Variants in PRDM5 observed in about 807,000 individuals in gnomAD.
PRDM5 encodes the protein PR/SET domain 5, also known as PR domain zinc finger protein 5.
Under a neutral mutation model 81.2 loss-of-function variants are expected in PRDM5, and 56 were observed. The ratio of observed to expected loss-of-function variants is 0.69; its 90% CI spans 0.56 to 0.86. The LOEUF is 0.86. Ranked by LOEUF, PRDM5 falls within the 40% of genes least tolerant of loss-of-function variation. The pLI is 0.00. For synonymous variants in PRDM5, 267 were observed against 256.4 expected, an observed-to-expected ratio of 1.04 and a Z score of -0.39; for missense variants, 697 against 770.1, an observed-to-expected ratio of 0.91 and a Z score of 1.12.
At chr4:120,839,204 G>A in intron 3 of PRDM5, 1 of 702,112 alleles carries the variant, frequency 1.4e-6, no homozygotes, top group Non-Finnish European at 2.6e-6. Context: ...GGCAAGCAAG[G>A]AGCAGGTCTC....
chr4:120,830,698 G>C (rs1756610475), intron 3 of PRDM5, among the ~76,000 whole-genome samples: 1 of 152,082 alleles, frequency 6.6e-6, no homozygotes, highest in African/African-American at 2.4e-5. Context: ...TTCATGTTCA[G>C]AGTGCATTAA....
In PRDM5 at chr4:120,715,298, T is replaced by C. The variant is rs374067808; in HGVS notation, c.1624-4885A>G. 2.0e-5 allele frequency among the ~76,000 whole-genome samples: 3 copies of C among 152,336 alleles called. No individual in the cohort carries two copies. In the South Asian group the frequency reaches 6.2e-4, roughly 32 times the overall value. ...CTTTGTTTTATCCAGCATTAATAAG[T>C]GCTCCTTATAGGGCCTTTTTTCCGG... is the stretch of plus-strand genomic sequence containing the variant. On this transcript the variant is annotated intron_variant, in intron 14 of 15. Coordinates refer to ENST00000264808, the MANE Select transcript of PRDM5 (RefSeq NM_018699.4).
intron 3 of PRDM5, among the ~76,000 whole-genome samples, chr4:120,825,600 G>A (rs1417437163): frequency 4.6e-5 from 7 of 152,072 alleles, no homozygotes; most frequent in Non-Finnish European, 8.8e-5. Flanking sequence ...AGTCCTCATC[G>A]AGTCACCACT....
chr4:120,701,184 T>G (rs990674460), intron 15 of PRDM5, among the ~76,000 whole-genome samples: 1 of 150,638 alleles, frequency 6.6e-6, no homozygotes, highest in African/African-American at 2.4e-5. Context: ...CAACAGATGC[T>G]GGTGAGGCTG....
intron 14 of PRDM5, among the ~76,000 whole-genome samples, chr4:120,710,921 T>C (rs774196372): frequency 2.0e-5 from 3 of 152,128 alleles, no homozygotes; most frequent in Non-Finnish European, 4.4e-5. Flanking sequence ...CTATGAGCAA[T>C]TTTATATTTT....
At chr4:120,817,819 G>A (rs1358716341) in intron 5 of PRDM5, among the ~76,000 whole-genome samples, 7 of 152,126 alleles carry the variant, frequency 4.6e-5, no homozygotes, top group Non-Finnish European at 7.4e-5. Context: ...CTATGTGTGG[G>A]ATCATCTAAT....
rs370996846 is a variant in PRDM5, at chr4:120,793,588, T to C, written c.1188+4679A>G. Among the ~76,000 whole-genome samples, 111 of 152,334 alleles carry C rather than the reference T, an allele frequency of 7.3e-4. 2 individuals are homozygous for C. Among genetic ancestry groups the C allele is most frequent in the African/African-American group, 2.6e-3 (108 of 41,576 alleles). ...GCCTTGTGGCTACATTTAGTAATAA[T>C]GTATTGTACTTGAAGATTGCTAAGA... On this transcript the variant is annotated intron_variant, in intron 10 of 15. Coordinates refer to ENST00000264808, the MANE Select transcript of PRDM5 (RefSeq NM_018699.4).
chr4:120,785,884 T>C (rs918099512), intron 10 of PRDM5, among the ~76,000 whole-genome samples: 7 of 152,120 alleles, frequency 4.6e-5, no homozygotes, highest in Middle Eastern at 3.4e-3. Flanking sequence ...AGCCACTAAC[T>C]AGATCTAAAA....
chr4:120,731,643 G>A (rs904622420), intron 14 of PRDM5: 1 of 152,118 alleles, frequency 6.6e-6, no homozygotes, highest in Non-Finnish European at 1.5e-5. Context: ...TGTGGAAGTT[G>A]GTGGGTAGGA....
At position 120,807,421 on chromosome 4, in the gene PRDM5, T is replaced by C. The variant is rs1030907786; in HGVS notation, c.945+3949A>G. ...AAAGACACATGCACACGTATGTTTATTGCAACACTATTCACAATAGCAAAG... is the reference window on the plus strand; with the variant it reads ...AAAGACACATGCACACGTATGTTTACTGCAACACTATTCACAATAGCAAAG... On this transcript the variant is annotated intron_variant, in intron 8 of 15. Coordinates refer to ENST00000264808, the MANE Select transcript of PRDM5 (RefSeq NM_018699.4). Among the ~76,000 whole-genome samples the C allele has an allele frequency of 5.9e-5, 9 of 152,372 alleles. No individual in the cohort carries two copies. The East Asian group carries it at 7.7e-4, about 13-fold the overall frequency.
intron 13 of PRDM5, among the ~76,000 whole-genome samples, chr4:120,764,747 T>C (rs992119482): frequency 2.6e-5 from 4 of 152,168 alleles, no homozygotes; most frequent in African/African-American, 9.6e-5. Flanking sequence ...ACCTGAAGCT[T>C]TTGAAGTGTG....
At chr4:120,686,676 T>C (rs1733844798) in intron 1 of PRDM5, among the ~76,000 whole-genome samples, 1 of 152,026 alleles carries the variant, frequency 6.6e-6, no homozygotes, top group Non-Finnish European at 1.5e-5. Flanking sequence ...TTTTATCTAT[T>C]AAATATCTAT....
At position 120,821,254 on chromosome 4, in the gene PRDM5, T is replaced by C; in HGVS notation, c.392A>G (p.Glu131Gly). 6.2e-7 allele frequency: 1 copy of C among 1,614,048 alleles called. No homozygotes were observed. Among genetic ancestry groups the C allele is most frequent in the Middle Eastern group, 1.6e-4 (1 of 6,062 alleles). ...IGYLDSDMEA[E>G]EEEQQIMTVI... is the part of the protein sequence containing the mutation. Reference sequence around the variant, plus strand: ...TGTCATAATTTGCTGTTCTTCCTCCTCAGCCTCCATGTCACTATCCAGGTA... The same window carrying C: ...TGTCATAATTTGCTGTTCTTCCTCCCCAGCCTCCATGTCACTATCCAGGTA... Residue 131 changes from glutamate (E) to glycine (G), a missense_variant, in exon 4 of 16, where the codon GAG becomes GGG. By Grantham distance (98) the Glu-to-Gly change is moderately conservative. Transcript: ENST00000264808.
intron 12 of PRDM5, among the ~76,000 whole-genome samples, chr4:120,779,198 ATATC>A (rs1429089144): frequency 6.6e-6 from 1 of 152,158 alleles, no homozygotes; most frequent in Non-Finnish European, 1.5e-5. Context: ...ACTCAAAAAT[ATATC>A]TATTATTAGG....
chr4:120,839,568 G>A (rs1219566723), intron 3 of PRDM5, among the ~76,000 whole-genome samples: 1 of 152,142 alleles, frequency 6.6e-6, no homozygotes, highest in Non-Finnish European at 1.5e-5. Flanking sequence ...CGGAGGGGAG[G>A]AAGTGTGCAT....
intron 2 of PRDM5, among the ~76,000 whole-genome samples, chr4:120,865,062 CA>C (rs1761049914): frequency 1.3e-5 from 2 of 152,172 alleles, no homozygotes; most frequent in African/African-American, 2.4e-5. Flanking sequence ...CAGCAGAAGA[CA>C]TTTTCTACAA....
At chr4:120,687,931 C>G (rs1733898199), downstream of PRDM5, among the ~76,000 whole-genome samples, 1 of 152,052 alleles carries the variant, frequency 6.6e-6, no homozygotes, top group Admixed American at 6.6e-5. Flanking sequence ...ACATTTTCAT[C>G]CATTATAAAT....
chr4:120,883,966 TA>T, intron 2 of PRDM5, among the ~76,000 whole-genome samples: 1 of 152,192 alleles, frequency 6.6e-6, no homozygotes, highest in East Asian at 1.9e-4. Context: ...ACTAATGAAT[TA>T]CACATTTAAA....
intron 14 of PRDM5, among the ~76,000 whole-genome samples, chr4:120,720,107 G>A (rs912557621): frequency 2.0e-5 from 3 of 152,148 alleles, no homozygotes; most frequent in African/African-American, 7.2e-5. Flanking sequence ...GCATAGCCAA[G>A]CTGTTCACAT....
Sources: allele counts gnomAD v4.1 joint callset (sites outside exome capture counted in the v4.1 genomes callset), GRCh38; gene constraint gnomAD v4.1.1; transcripts MANE v1.5; gene names NCBI Gene and HGNC (gene_info 2026-07-23, HGNC 2026-07-21).